LRRTM4: variants seen among roughly 807,000 people sequenced by gnomAD.
LRRTM4 encodes leucine rich repeat transmembrane neuronal 4.
LRRTM4 carries 25 observed loss-of-function variants against 47.6 expected under a neutral mutation model. That is an observed-to-expected ratio of 0.53 (90% CI 0.38 to 0.73). LRRTM4 has a LOEUF of 0.73. Ranked by LOEUF, LRRTM4 falls within the 30% of genes least tolerant of loss-of-function variation. The pLI, the probability that LRRTM4 is intolerant of heterozygous loss-of-function variation, is 0.00. For missense variants in LRRTM4, 638 were observed against 713.4 expected (o/e 0.89, Z 1.20); for synonymous variants, 311 against 269.5 (o/e 1.15, Z -1.51).
At chr2:77,376,244 A>G (rs1039530049) in intron 3 of LRRTM4, among the ~76,000 whole-genome samples, 1 of 151,066 alleles carries the variant, frequency 6.6e-6, no homozygotes, top group Non-Finnish European at 1.5e-5. Flanking sequence ...TTGGATTTAC[A>G]AAAAAAAATT....
intron 3 of LRRTM4, among the ~76,000 whole-genome samples, chr2:77,501,340 A>C (rs1678564610): frequency 6.6e-6 from 1 of 150,760 alleles, no homozygotes; most frequent in Non-Finnish European, 1.5e-5. Flanking sequence ...ATATGAATAC[A>C]TAGTCCATAC....
chr2:76,844,428 C>A (rs1372760454), intron 3 of LRRTM4, among the ~76,000 whole-genome samples: 1 of 152,174 alleles, frequency 6.6e-6, no homozygotes. Context: ...AGCCACCGTG[C>A]CTGGCCTCAA....
At chr2:77,221,809 T>C (rs1045285594) in intron 3 of LRRTM4, among the ~76,000 whole-genome samples, 116 of 152,160 alleles carry the variant, frequency 7.6e-4, no homozygotes, top group African/African-American at 2.4e-3. Context: ...AGACAGAAAG[T>C]TAACAGGGCT....
At chr2:77,308,067 TATATAACA>T (rs1205468293) in intron 3 of LRRTM4, among the ~76,000 whole-genome samples, 1 of 142,482 alleles carries the variant, frequency 7.0e-6, no homozygotes, top group Non-Finnish European at 1.5e-5. Flanking sequence ...TCTATATATC[TATATAACA>T]TATATAGATA....
At chr2:77,195,659 A>G (rs1673800125) in intron 3 of LRRTM4, among the ~76,000 whole-genome samples, 1 of 152,196 alleles carries the variant, frequency 6.6e-6, no homozygotes, top group African/African-American at 2.4e-5. Flanking sequence ...CATGGCAGTC[A>G]AATTGCAAAC....
chr2:77,113,035 G>A (rs556893238), intron 3 of LRRTM4, among the ~76,000 whole-genome samples: 115 of 152,164 alleles, frequency 7.6e-4, no homozygotes, highest in African/African-American at 2.7e-3. Flanking sequence ...TTAACAGTAG[G>A]AGCTTGGCCT....
intron 3 of LRRTM4, among the ~76,000 whole-genome samples, chr2:76,910,231 C>T (rs1031046970): frequency 6.6e-6 from 1 of 151,704 alleles, no homozygotes; most frequent in African/African-American, 2.4e-5. Flanking sequence ...TCATTCTCAG[C>T]AAACTATCGG....
chr2:77,072,665 G>A (rs1680193553), intron 3 of LRRTM4, among the ~76,000 whole-genome samples: 1 of 151,896 alleles, frequency 6.6e-6, no homozygotes, highest in African/African-American at 2.4e-5. Context: ...CAGGTGTGGT[G>A]GCACCCTCCT....
At chr2:77,307,216 C>A (rs1050850500) in intron 3 of LRRTM4, among the ~76,000 whole-genome samples, 3 of 151,804 alleles carry the variant, frequency 2.0e-5, no homozygotes, top group Non-Finnish European at 2.9e-5. Context: ...TTTTTGTAGT[C>A]TACTTTGAGT....
At chr2:76,800,482 C>A (rs1372219652) in intron 3 of LRRTM4, among the ~76,000 whole-genome samples, 6 of 144,442 alleles carry the variant, frequency 4.2e-5, no homozygotes, top group East Asian at 2.0e-4. Flanking sequence ...AAACGTTAGA[C>A]CTAAAACCAT....
At chr2:76,823,196 T>C (rs1437186287) in intron 3 of LRRTM4, among the ~76,000 whole-genome samples, 1 of 151,428 alleles carries the variant, frequency 6.6e-6, no homozygotes, top group African/African-American at 2.4e-5. Flanking sequence ...ATTGAGTATA[T>C]TGTCAAATTC....
intron 3 of LRRTM4, among the ~76,000 whole-genome samples, chr2:77,176,707 G>A (rs1055796938): frequency 6.6e-6 from 1 of 152,090 alleles, no homozygotes; most frequent in Non-Finnish European, 1.5e-5. Context: ...GACAAATTTA[G>A]GAATTTAGGA....
chr2:77,440,979 C>G (rs1290801494), intron 3 of LRRTM4, among the ~76,000 whole-genome samples: 2 of 152,226 alleles, frequency 1.3e-5, no homozygotes, highest in South Asian at 4.1e-4. Context: ...CATGTTGTAG[C>G]TATTTACATT....
chr2:77,010,859 C>T (rs529010611), intron 3 of LRRTM4, among the ~76,000 whole-genome samples: 1 of 152,080 alleles, frequency 6.6e-6, no homozygotes, highest in Non-Finnish European at 1.5e-5. Context: ...TGAGTTGAGA[C>T]TGATTGTGGT....
intron 3 of LRRTM4, among the ~76,000 whole-genome samples, chr2:77,483,311 A>T (rs1677788026): frequency 6.6e-6 from 1 of 152,122 alleles, no homozygotes; most frequent in African/African-American, 2.4e-5. Context: ...AACCAAGTTT[A>T]GAACACAAGG....
At chr2:77,500,202 T>G (rs1461081745) in intron 3 of LRRTM4, among the ~76,000 whole-genome samples, 1 of 151,750 alleles carries the variant, frequency 6.6e-6, no homozygotes, top group African/African-American at 2.4e-5. Flanking sequence ...AGGCTTTTCC[T>G]CCTCAGAATT....
At chr2:76,887,045 T>C (rs1673099861) in intron 3 of LRRTM4, among the ~76,000 whole-genome samples, 1 of 151,908 alleles carries the variant, frequency 6.6e-6, no homozygotes, top group Non-Finnish European at 1.5e-5. Context: ...GCTGTTATTA[T>C]TGCTTCATAA....
chr2:76,888,006 T>C (rs1050261696), intron 3 of LRRTM4, among the ~76,000 whole-genome samples: 4 of 150,704 alleles, frequency 2.7e-5, no homozygotes, highest in African/African-American at 9.7e-5. Flanking sequence ...TATCTGTAAA[T>C]GGTGTGTCCA....
At chr2:76,967,176 T>A (rs1285211147) in intron 3 of LRRTM4, among the ~76,000 whole-genome samples, 1 of 150,770 alleles carries the variant, frequency 6.6e-6, no homozygotes, top group Non-Finnish European at 1.5e-5. Flanking sequence ...TTTTTTTTAT[T>A]CTTAGGAGAG....
Sources: allele counts gnomAD v4.1 joint callset (sites outside exome capture counted in the v4.1 genomes callset), GRCh38; gene constraint gnomAD v4.1.1; transcripts MANE v1.5; gene names NCBI Gene and HGNC (gene_info 2026-07-23, HGNC 2026-07-21).